The following NCEH1 variants were observed in gnomAD, a reference collection of about 807,000 sequenced individuals.
NCEH1 encodes 2-acetyl MAGE hydrolase.
A neutral mutation model predicts 25.4 loss-of-function variants in NCEH1; 9 were observed. The observed-to-expected ratio is 0.35, with a 90% CI of 0.21 to 0.62. The LOEUF (loss-of-function observed/expected upper bound fraction) is 0.62. NCEH1 is among the 20% of genes least tolerant of loss of function. The probability of loss-of-function intolerance (pLI) is 0.72; values close to 1 mark genes in which losing one functional copy is unlikely to be tolerated. For missense variants in NCEH1, 412 were observed against 501.1 expected, an observed-to-expected ratio of 0.82 and a Z score of 1.70; for synonymous variants, 200 against 199.8, an observed-to-expected ratio of 1.00 and a Z score of -0.01.
At position 172,634,034 on chromosome 3, in the gene NCEH1, A is replaced by G. The variant is rs748845434; in HGVS notation, c.668T>C (p.Val223Ala). ...TGTGTTAAAATCTAAAGCTTGAAGA[A>G]CTGGATAAATTAAAGCTTGTAGTTT... ...KLKLQALIYP[V>A]LQALDFNTPS... Residue 223 changes from valine to alanine, a missense_variant, in exon 5 of 5, where the codon GTT (valine) becomes GCT (alanine). By Grantham distance (64) the Val-to-Ala change is moderately conservative. Around this residue, in one of 3 missense-constraint regions of NCEH1, gnomAD observed 210 missense variants for 258.2 expected, o/e 0.81. Transcript: ENST00000475381. The G allele has an allele frequency of 2.5e-6, 4 of 1,614,172 alleles. No homozygotes were observed. Among genetic ancestry groups the G allele is most frequent in the Non-Finnish European group, 3.4e-6 (4 of 1,179,998 alleles).
chr3:172,687,765 A>G (rs888351032), intron 1 of NCEH1, among the ~76,000 whole-genome samples: 1 of 152,180 alleles, frequency 6.6e-6, no homozygotes, highest in Admixed American at 6.5e-5. Context: ...AATACCTGTA[A>G]TTTTCGGTGT....
chr3:172,710,964 C>T lies in NCEH1; in HGVS notation c.21G>A (p.Leu7=), dbSNP rs756153653. ...CGGCCAGCGCCACCAGGGCGGTGAG[C>T]AGGACACAGGACGACCTCATCTTGC... MRSSCV[L]LTALVALAAY... is the part of the protein sequence containing the mutation. Residue 7 remains leucine, a synonymous_variant, in exon 1 of 5, where the codon CTG becomes CTA. Transcript: ENST00000475381. 6.2e-6 allele frequency: 10 copies of T among 1,613,980 alleles called. No individual in the cohort carries two copies. In the African/African-American group the frequency reaches 9.3e-5, roughly 15 times the overall value.
rs145950135 is a variant in NCEH1 at position 172,673,278 on chromosome 3, G to A, written c.139-25164C>T. ...AGAAAAGCCTCCTAGTTAACCCTAG[G>A]AAATAATTTAACTGTTTACACCCCA... is the stretch of plus-strand genomic sequence containing the variant. On this transcript the variant is annotated intron_variant, in intron 1 of 4. Transcript: ENST00000475381. 1.3e-3 allele frequency among the ~76,000 whole-genome samples: 196 copies of A among 152,244 alleles called. 2 individuals carry two copies. The highest frequency in any genetic ancestry group is 0.01 in the Middle Eastern group (3 of 294).
Position 172,632,111 on chromosome 3 carries a change from C to A in NCEH1, c.*1364G>T, listed in dbSNP as rs1716384674. ...AGAACATGAGCTTGTGTTCCTCTGACCCTAAAAAGCGGAGATGAGCAGTGT... is the reference window on the plus strand; with the variant it reads ...AGAACATGAGCTTGTGTTCCTCTGAACCTAAAAAGCGGAGATGAGCAGTGT... On this transcript the variant is annotated 3_prime_UTR_variant, in exon 5 of 5. Coordinates refer to ENST00000475381, the MANE Select transcript of NCEH1 (RefSeq NM_020792.6). 6.6e-6 allele frequency: 1 copy of A among 152,470 alleles called. No individual in the cohort carries two copies. Among genetic ancestry groups the A allele is most frequent in the Non-Finnish European group, 1.5e-5 (1 of 68,036 alleles). 9.4% of individuals were successfully genotyped at this position (152,470 alleles called of 1,614,324 possible).
At chr3:172,659,982 TTTC>T (rs1225469596) in intron 1 of NCEH1, among the ~76,000 whole-genome samples, 80 of 148,142 alleles carry the variant, frequency 5.4e-4, no homozygotes, top group African/African-American at 1.9e-3. Context: ...CCCTGAAGCA[TTTC>T]TTTTTTTTTT....
intron 2 of NCEH1, 95 bp from the exon 3 acceptor site, chr3:172,645,787 A>G: frequency 1.5e-6 from 1 of 650,032 alleles, no homozygotes; most frequent in Non-Finnish European, 2.6e-6. Context: ...TTAGGCTTGG[A>G]GCTAATACTA....
At chr3:172,660,818 G>A (rs1479157150) in intron 1 of NCEH1, among the ~76,000 whole-genome samples, 1 of 151,880 alleles carries the variant, frequency 6.6e-6, no homozygotes, top group Non-Finnish European at 1.5e-5. Context: ...CTTTTTGATG[G>A]GATTGATTTT....
rs750030677 is a variant in NCEH1, at chr3:172,645,666, T to TA, written c.393dup (p.Thr132TyrfsTer5). 1.8e-4 allele frequency: 294 copies of TA among 1,599,384 alleles called. 1 individual carries two copies. The highest frequency in any genetic ancestry group is 2.5e-4 in the Non-Finnish European group (290 of 1,172,734). On this transcript the variant is annotated frameshift_variant, in exon 3 of 5. Coordinates refer to ENST00000475381, the MANE Select transcript of NCEH1 (RefSeq NM_020792.6). LOFTEE classifies it high-confidence loss of function. ...GCATTCAATTCCTCAGCCATTGCTG[T>TA]ACACAGCTCATCATAATACCTGATT...
chr3:172,655,993 G>C (rs909803580), intron 1 of NCEH1, among the ~76,000 whole-genome samples: 1 of 152,160 alleles, frequency 6.6e-6, no homozygotes, highest in African/African-American at 2.4e-5. Context: ...AGATATTAAG[G>C]GGGAAGAGAT....
chr3:172,694,367 G>C (rs1314406402), intron 1 of NCEH1, among the ~76,000 whole-genome samples: 3 of 149,910 alleles, frequency 2.0e-5, no homozygotes, highest in Admixed American at 6.6e-5. Flanking sequence ...TTTGGGGAAA[G>C]AGTTATATAT....
rs1346865886 is a variant in NCEH1 at position 172,630,508 on chromosome 3, C to CCT, written c.*2965_*2966dup. 4 of 152,234 alleles carry CCT rather than the reference C, an allele frequency of 2.6e-5. No individual in the cohort carries two copies. The highest frequency in any genetic ancestry group is 4.4e-5 in the Non-Finnish European group (3 of 68,066). 9.4% of individuals were successfully genotyped at this position (152,234 alleles called of 1,614,324 possible). A position where few individuals can be genotyped will look rare whatever the true frequency, so the allele number is the denominator to read the frequency against. Reference sequence around the variant, plus strand: ...TGTCATCAAGGAGGCCACTGAACCACCTCTCTAAAGGAAAGACAGCTGGAG... The same window carrying CCT: ...TGTCATCAAGGAGGCCACTGAACCACCTCTCTCTAAAGGAAAGACAGCTGGAG... On this transcript the variant is annotated 3_prime_UTR_variant, in exon 5 of 5. Coordinates refer to ENST00000475381, the MANE Select transcript of NCEH1 (RefSeq NM_020792.6).
At chr3:172,691,144 G>A (rs1206011400) in intron 1 of NCEH1, among the ~76,000 whole-genome samples, 1 of 152,050 alleles carries the variant, frequency 6.6e-6, no homozygotes, top group Non-Finnish European at 1.5e-5. Context: ...TCCAAACATA[G>A]AGCGGGCTGG....
chr3:172,686,854 C>G (rs1272008729), intron 1 of NCEH1, among the ~76,000 whole-genome samples: 3 of 152,148 alleles, frequency 2.0e-5, no homozygotes, highest in Non-Finnish European at 4.4e-5. Context: ...ATTCCAGAGG[C>G]CTTCATGTGC....
intron 1 of NCEH1, among the ~76,000 whole-genome samples, chr3:172,665,502 C>T (rs923636902): frequency 1.3e-5 from 2 of 152,216 alleles, no homozygotes; most frequent in Non-Finnish European, 2.9e-5. Flanking sequence ...GGGACAACCA[C>T]TACTCTCTTC....
At position 172,664,359 on chromosome 3, in the gene NCEH1, G is replaced by A. The variant is rs1718107124; in HGVS notation, c.139-16245C>T. On this transcript the variant is annotated intron_variant, in intron 1 of 4. Transcript: ENST00000475381. ...TGGTCGGATGGGCTTCCCTTTGTAC[G>A]TAACCTGACCTTTCTCTCTGGCTGC... 2.0e-5 allele frequency among the ~76,000 whole-genome samples: 3 copies of A among 152,310 alleles called. No individual in the cohort carries two copies. In the South Asian group the frequency reaches 6.2e-4, roughly 32 times the overall value.
intron 1 of NCEH1, among the ~76,000 whole-genome samples, chr3:172,689,656 A>C (rs1369816092): frequency 5.5e-5 from 6 of 108,852 alleles, no homozygotes; most frequent in Admixed American, 2.8e-4. Context: ...GATTGCAATG[A>C]GCTGAGATTG....
At chr3:172,653,217 C>A (rs543926343) in intron 1 of NCEH1, among the ~76,000 whole-genome samples, 1 of 152,144 alleles carries the variant, frequency 6.6e-6, no homozygotes, top group Non-Finnish European at 1.5e-5. Flanking sequence ...GTACTCATTA[C>A]GCCCCAGTGG....
At chr3:172,676,375 G>A (rs571190894) in intron 1 of NCEH1, among the ~76,000 whole-genome samples, 2 of 152,254 alleles carry the variant, frequency 1.3e-5, no homozygotes, top group South Asian at 4.1e-4. Flanking sequence ...TGTGTGCCAA[G>A]TGTCATGGCT....
At chr3:172,646,498 A>AG (rs1346669412) in intron 2 of NCEH1, among the ~76,000 whole-genome samples, 1 of 152,238 alleles carries the variant, frequency 6.6e-6, no homozygotes, top group Non-Finnish European at 1.5e-5. Flanking sequence ...CATTTCTTAG[A>AG]GGATTCCAAA....
Sources: allele counts gnomAD v4.1 joint callset (sites outside exome capture counted in the v4.1 genomes callset), GRCh38; gene constraint gnomAD v4.1.1; regional missense constraint gnomAD v4.1.1; transcripts MANE v1.5; gene names NCBI Gene and HGNC (gene_info 2026-07-23, HGNC 2026-07-21).